Variants in FAM219A observed in about 807,000 individuals in gnomAD.
The protein encoded by FAM219A is protein FAM219A.
Under a neutral mutation model 23.4 loss-of-function variants are expected in FAM219A, and 7 were observed. The ratio of observed to expected loss-of-function variants is 0.30; its 90% CI spans 0.17 to 0.56. FAM219A has a LOEUF of 0.56. Ranked by LOEUF, FAM219A falls within the 20% of genes least tolerant of loss-of-function variation. The pLI, the probability that FAM219A is intolerant of heterozygous loss-of-function variation, is 0.92. For missense variants in FAM219A, 166 were observed against 246.9 expected, an observed-to-expected ratio of 0.67 and a Z score of 2.20; for synonymous variants, 93 against 99.0, an observed-to-expected ratio of 0.94 and a Z score of 0.36.
At position 34,421,005 on chromosome 9, in the gene FAM219A, T is replaced by TGAGAGA. The variant is rs1413300702; in HGVS notation, c.61-15042_61-15041insTCTCTC. On this transcript the variant is annotated intron_variant, in intron 1 of 5. Transcript: ENST00000651358. ...GTGTGTGTGTGTATGTGTGTGTGTG[T>TGAGAGA]GTGTGAGAGAGAGAGAGAGAGAGAG... Among the ~76,000 whole-genome samples the TGAGAGA allele has an allele frequency of 5.9e-3, 243 of 41,448 alleles. 2 individuals are homozygous for TGAGAGA. Among genetic ancestry groups the TGAGAGA allele is most frequent in the African/African-American group, 0.017 (228 of 13,320 alleles). The allele number at this position is 41,448 out of a possible 152,430, so 27.2% of individuals were successfully genotyped here.
Position 34,398,585 on chromosome 9 carries a change from G to A in FAM219A, c.*2379C>T, listed in dbSNP as rs541509873. Reference sequence around the variant, plus strand: ...CTGCCAGGGAACTAGTATGTCCTGTGGGGGGGGAGATTTTCCCTGGTGTCT... The same window carrying A: ...CTGCCAGGGAACTAGTATGTCCTGTAGGGGGGGAGATTTTCCCTGGTGTCT... On this transcript the variant is annotated 3_prime_UTR_variant, in exon 6 of 6. Transcript: ENST00000651358. The A allele has an allele frequency of 1.2e-5, 7 of 563,934 alleles. No homozygotes were observed. Among genetic ancestry groups the A allele is most frequent in the South Asian group, 1.1e-4 (5 of 45,690 alleles). The allele number at this position is 563,934 out of a possible 1,614,324, so 34.9% of individuals were successfully genotyped here.
intron 1 of FAM219A, among the ~76,000 whole-genome samples, chr9:34,422,058 G>C (rs944054875): frequency 6.6e-6 from 1 of 152,128 alleles, no homozygotes; most frequent in Non-Finnish European, 1.5e-5. Flanking sequence ...AGTGGCAAGA[G>C]GGAACAATAG....
At chr9:34,402,204 C>A in intron 4 of FAM219A, 183 bp downstream of exon 4, 2 of 1,544,656 alleles carry the variant, frequency 1.3e-6, no homozygotes, top group Non-Finnish European at 1.7e-6. Context: ...CTCTCTGCCA[C>A]CTCTCTTCAA....
intron 1 of FAM219A, among the ~76,000 whole-genome samples, chr9:34,414,780 A>T (rs1430755062): frequency 6.6e-6 from 1 of 152,224 alleles, no homozygotes; most frequent in Non-Finnish European, 1.5e-5. Flanking sequence ...GTCTTCTCTT[A>T]TCAGTCTAAA....
intron 3 of FAM219A, 116 bp downstream of exon 3, chr9:34,402,589 C>T: frequency 6.4e-7 from 1 of 1,552,176 alleles, no homozygotes; most frequent in Non-Finnish European, 8.8e-7. Context: ...CCTGTTAAGG[C>T]TGTCTCCTCT....
intron 1 of FAM219A, among the ~76,000 whole-genome samples, chr9:34,445,650 A>T (rs1272371600): frequency 2.0e-5 from 3 of 151,356 alleles, no homozygotes; most frequent in Non-Finnish European, 4.4e-5. Flanking sequence ...TAGATGCCTC[A>T]AAAGCCAGTG....
In FAM219A at chr9:34,457,327, C is replaced by T. The variant is rs1823776609; in HGVS notation, c.60+877G>A. The stretch of plus-strand genomic sequence containing the variant: ...GCGGTGGCCAGCAAGCATGGTCTCC[C>T]TTAGGCCTAGCCTCGGTGCACCCGA... On this transcript the variant is annotated intron_variant, in intron 1 of 5. Transcript: ENST00000651358. The surrounding 1 kb of genome is among the most constrained non-coding windows in gnomAD (Gnocchi z 5.1). 1 of 152,536 alleles carries T rather than the reference C, an allele frequency of 6.6e-6. No individual in the cohort carries two copies. The highest frequency in any genetic ancestry group is 6.5e-5 in the Admixed American group (1 of 15,292). 9.4% of individuals were successfully genotyped at this position (152,536 alleles called of 1,614,324 possible).
At chr9:34,437,194 A>G (rs9644832) in intron 1 of FAM219A, among the ~76,000 whole-genome samples, 3,186 of 152,134 alleles carry the variant, frequency 0.021, 95 homozygotes, top group East Asian at 0.12. Context: ...CTCTCTCTCA[A>G]TTATCTTGAC....
chr9:34,402,549 C>T, intron 3 of FAM219A, 82 bp from the exon 4 acceptor site: 1 of 1,578,792 alleles, frequency 6.3e-7, no homozygotes. Context: ...CCCGTCCCAC[C>T]ACTTTCTTCC....
At chr9:34,454,493 A>G (rs1044591648) in intron 1 of FAM219A, among the ~76,000 whole-genome samples, 7 of 152,188 alleles carry the variant, frequency 4.6e-5, no homozygotes, top group Admixed American at 6.5e-5. Context: ...TCTCAGGGAT[A>G]GACCAGGCCT....
At chr9:34,413,042 G>A (rs1205925096) in intron 1 of FAM219A, among the ~76,000 whole-genome samples, 1 of 152,142 alleles carries the variant, frequency 6.6e-6, no homozygotes, top group Non-Finnish European at 1.5e-5. Context: ...CTGAGGGGAA[G>A]GAAGCTGTGT....
rs1317447032 is a variant in FAM219A, at chr9:34,401,735, AAG to A, written c.345-17_345-16del. The A allele has an allele frequency of 2.5e-6, 4 of 1,603,902 alleles. No homozygotes were observed. The South Asian group carries it at 3.4e-5, about 14-fold the overall frequency. On this transcript the variant is annotated splice_polypyrimidine_tract_variant and intron_variant, in intron 4 of 5. Coordinates refer to ENST00000651358, the MANE Select transcript of FAM219A (RefSeq NM_001184940.2). ...AGTCATCATCGCTGGCCATGGAGGA[AAG>A]AGAGGGAAAGTGATACCAAGAAATT... is the stretch of plus-strand genomic sequence containing the variant.
intron 1 of FAM219A, among the ~76,000 whole-genome samples, chr9:34,407,371 G>T (rs1485860554): frequency 2.0e-5 from 3 of 152,116 alleles, no homozygotes; most frequent in Non-Finnish European, 2.9e-5. Flanking sequence ...AAAATCTTTT[G>T]ATTTTAAATG....
chr9:34,452,386 C>A (rs549614266), intron 1 of FAM219A, among the ~76,000 whole-genome samples: 1 of 152,152 alleles, frequency 6.6e-6, no homozygotes, highest in Non-Finnish European at 1.5e-5. Flanking sequence ...CTGAGTTTCC[C>A]GAGGTGATGA....
intron 1 of FAM219A, among the ~76,000 whole-genome samples, chr9:34,422,393 G>A (rs1273850646): frequency 6.6e-6 from 1 of 152,202 alleles, no homozygotes; most frequent in African/African-American, 2.4e-5. Context: ...TAGGCAATTT[G>A]AATCTAATTT....
chr9:34,427,375 C>T (rs1469958176), intron 1 of FAM219A, among the ~76,000 whole-genome samples: 1 of 152,100 alleles, frequency 6.6e-6, no homozygotes, highest in African/African-American at 2.4e-5. Flanking sequence ...GACATGGAGT[C>T]TACGTTGCCC....
intron 1 of FAM219A, among the ~76,000 whole-genome samples, chr9:34,427,951 T>C (rs1298270428): frequency 6.6e-6 from 1 of 152,238 alleles, no homozygotes; most frequent in Non-Finnish European, 1.5e-5. Context: ...CAACTTCTCA[T>C]GGAGACTAAC....
chr9:34,419,537 A>T (rs959480393), intron 1 of FAM219A, among the ~76,000 whole-genome samples: 1 of 152,124 alleles, frequency 6.6e-6, no homozygotes, highest in African/African-American at 2.4e-5. Flanking sequence ...GACACTGAGG[A>T]GAATACTGCC....
chr9:34,441,709 TGAAAGGCTGAAGGGGGC>T (rs558239257), intron 1 of FAM219A, among the ~76,000 whole-genome samples: 1 of 152,006 alleles, frequency 6.6e-6, no homozygotes, highest in South Asian at 2.1e-4. Context: ...AAACATTAGG[TGAAAGGCTGAAGGGGGC>T]TTTTATTTAT....
Sources: allele counts gnomAD v4.1 joint callset (sites outside exome capture counted in the v4.1 genomes callset), GRCh38; gene constraint gnomAD v4.1.1; non-coding constraint Gnocchi (gnomAD v3.1); transcripts MANE v1.5; gene names NCBI Gene and HGNC (gene_info 2026-07-23, HGNC 2026-07-21).